Variants in TIMM9 observed in about 807,000 individuals in gnomAD.
TIMM9 encodes the protein translocase of inner mitochondrial membrane 9, also known as mitochondrial import inner membrane translocase subunit Tim9.
TIMM9 carries 10 observed loss-of-function variants against 13.4 expected under a neutral mutation model. The observed-to-expected ratio is 0.75, with a 90% CI of 0.46 to 1.26. The LOEUF (loss-of-function observed/expected upper bound fraction) is 1.26. Ranked by LOEUF, TIMM9 falls within the 50% of genes most tolerant of loss-of-function variation. The pLI is 0.00. For synonymous variants in TIMM9, 32 were observed against 32.1 expected (o/e 1.00, Z 0.01); for missense variants, 87 against 100.8 (o/e 0.86, Z 0.58).
At chr14:58,412,251 C>T (rs2140316260) in intron 3 of TIMM9, 2 of 299,872 alleles carry the variant, frequency 6.7e-6, no homozygotes, top group East Asian at 7.9e-5. Flanking sequence ...AAGCAATTCT[C>T]CTGCCTCAGC....
chr14:58,410,913 T>C lies in TIMM9; in HGVS notation c.65A>G (p.Asn22Ser), dbSNP rs762780142. 3.7e-6 allele frequency: 6 copies of C among 1,613,016 alleles called. No homozygotes were observed. Among genetic ancestry groups the C allele is most frequent in the South Asian group, 3.3e-5 (3 of 90,782 alleles). Residue 22 changes from asparagine to serine, a missense_variant, in exon 5 of 6, where the codon AAT becomes AGT. Coordinates refer to ENST00000395159, the MANE Select transcript of TIMM9 (RefSeq NM_012460.4). ...KQFKEFLGTYNKLTETCFLDC... is the reference protein window; with the variant it reads ...KQFKEFLGTYSKLTETCFLDC... Reference sequence around the variant, plus strand: ...CAAAAAGCAGGTCTCTGTAAGTTTATTGTAGGTCCCCAGAAATTCCTTAAA... The same window carrying C: ...CAAAAAGCAGGTCTCTGTAAGTTTACTGTAGGTCCCCAGAAATTCCTTAAA...
chr14:58,418,937 A>G (rs2036500280), intron 3 of TIMM9, among the ~76,000 whole-genome samples: 2 of 152,130 alleles, frequency 1.3e-5, no homozygotes, highest in Admixed American at 1.3e-4. Context: ...TCTTATAAAT[A>G]TACACAAATT....
At chr14:58,409,959 G>A (rs1000296070) in intron 5 of TIMM9, among the ~76,000 whole-genome samples, 1 of 151,946 alleles carries the variant, frequency 6.6e-6, no homozygotes, top group Non-Finnish European at 1.5e-5. Context: ...TCAACCTCCT[G>A]GGCTTAAGTG....
chr14:58,421,728 C>A (rs575537619), intron 3 of TIMM9, among the ~76,000 whole-genome samples: 11 of 152,102 alleles, frequency 7.2e-5, no homozygotes, highest in African/African-American at 2.7e-4. Flanking sequence ...GATCTAAGAA[C>A]TGGTAAAACA....
At chr14:58,414,668 CG>C (rs1261282590) in intron 3 of TIMM9, among the ~76,000 whole-genome samples, 1 of 139,310 alleles carries the variant, frequency 7.2e-6, no homozygotes, top group Non-Finnish European at 1.5e-5. Flanking sequence ...ACCCCTTGGG[CG>C]GAGGTTGCAG....
intron 3 of TIMM9, among the ~76,000 whole-genome samples, chr14:58,412,883 A>G (rs1019038259): frequency 6.6e-6 from 1 of 152,118 alleles, no homozygotes; most frequent in Non-Finnish European, 1.5e-5. Flanking sequence ...CCTGGGTGAC[A>G]AAGTGAGACT....
chr14:58,411,841 A>AT, intron 4 of TIMM9, 66 bp downstream of exon 4: 1 of 1,462,532 alleles, frequency 6.8e-7, no homozygotes, highest in Non-Finnish European at 9.6e-7. Context: ...CCAGCCTGAC[A>AT]TGGTGGCATT....
rs748362527 is a variant in TIMM9, at chr14:58,410,966, T to C, written c.40-28A>G. 2.6e-6 allele frequency: 4 copies of C among 1,537,116 alleles called. No homozygotes were observed. In the East Asian group the frequency reaches 9.0e-5, roughly 35 times the overall value. On this transcript the variant is annotated intron_variant, in intron 4 of 5. Coordinates refer to ENST00000395159, the MANE Select transcript of TIMM9 (RefSeq NM_012460.4). ...ACAAACAAACCAGAATGTTCTTTAG[T>C]ATTTGGTTTTTAAAACAAAGATGCT...
Position 58,423,526 on chromosome 14 carries a change from A to C in TIMM9, c.-27+482T>G, listed in dbSNP as rs2036651268. On this transcript the variant is annotated intron_variant, in intron 3 of 5. Transcript: ENST00000395159. ...CGAGACTTTGTCTCAAAAAAAAAAA[A>C]AAAAAAAAAAAAAGATTATGGTATA... 2.0e-5 allele frequency among the ~76,000 whole-genome samples: 3 copies of C among 151,634 alleles called. No individual in the cohort carries two copies. In the South Asian group the frequency reaches 6.2e-4, roughly 32 times the overall value.
intron 3 of TIMM9, among the ~76,000 whole-genome samples, chr14:58,413,945 T>C (rs2036303485): frequency 7.9e-6 from 1 of 126,822 alleles, no homozygotes; most frequent in Non-Finnish European, 1.5e-5. Flanking sequence ...AGGTGGAGCT[T>C]GCAGTGAGCC....
At chr14:58,414,595 G>A (rs887332561) in intron 3 of TIMM9, among the ~76,000 whole-genome samples, 10 of 151,646 alleles carry the variant, frequency 6.6e-5, no homozygotes, top group South Asian at 2.1e-4. Context: ...AAAATTAGCC[G>A]GGCATGGTGG....
intron 5 of TIMM9, 23 bp downstream of exon 5, chr14:58,410,820 T>G (rs779422717): frequency 1.3e-6 from 2 of 1,542,284 alleles, no homozygotes; most frequent in South Asian, 2.3e-5. Flanking sequence ...TTGTAGAATT[T>G]TAGTGAGTAA....
intron 3 of TIMM9, among the ~76,000 whole-genome samples, chr14:58,413,601 C>T (rs1175178248): frequency 6.6e-6 from 1 of 152,022 alleles, no homozygotes; most frequent in East Asian, 1.9e-4. Flanking sequence ...TTTCACATAT[C>T]CTAAATGTAG....
At chr14:58,418,624 A>G (rs1352924533) in intron 3 of TIMM9, among the ~76,000 whole-genome samples, 1 of 152,232 alleles carries the variant, frequency 6.6e-6, no homozygotes, top group Non-Finnish European at 1.5e-5. Context: ...CAATAAGTAT[A>G]TTTAAAAAAT....
In TIMM9 at chr14:58,424,098, GA is replaced by G. The variant is rs775687880; in HGVS notation, c.-114-4del. The G allele has an allele frequency of 2.6e-5, 4 of 152,096 alleles. No homozygotes were observed. The highest frequency in any genetic ancestry group is 4.4e-5 in the Non-Finnish European group (3 of 68,016). The allele number at this position is 152,096 out of a possible 1,614,324, so 9.4% of individuals were successfully genotyped here. ...CTCCAATAAGGCCTGATTCTTACCT[GA>G]AAAATGAGGTAATATGATTACTAAG... is the stretch of plus-strand genomic sequence containing the variant. On this transcript the variant is annotated splice_region_variant and splice_polypyrimidine_tract_variant and intron_variant, in intron 2 of 5. Coordinates refer to ENST00000395159, the MANE Select transcript of TIMM9 (RefSeq NM_012460.4).
chr14:58,421,955 A>G (rs1302946546), intron 3 of TIMM9, among the ~76,000 whole-genome samples: 1 of 152,006 alleles, frequency 6.6e-6, no homozygotes, highest in Admixed American at 6.6e-5. Context: ...GACTTTCTAC[A>G]GTTCACATCA....
intron 3 of TIMM9, among the ~76,000 whole-genome samples, chr14:58,413,557 A>G (rs2036289161): frequency 6.6e-6 from 1 of 152,216 alleles, no homozygotes; most frequent in African/African-American, 2.4e-5. Context: ...AGGGAAGACA[A>G]GTAAATAAAA....
intron 3 of TIMM9, among the ~76,000 whole-genome samples, chr14:58,417,423 C>T (rs1341199206): frequency 1.3e-5 from 2 of 148,230 alleles, no homozygotes; most frequent in East Asian, 3.9e-4. Flanking sequence ...ATTGCCTGAG[C>T]CAAGGAGTTT....
intron 5 of TIMM9, among the ~76,000 whole-genome samples, chr14:58,410,477 G>C (rs950475964): frequency 6.6e-6 from 1 of 152,130 alleles, no homozygotes; most frequent in Non-Finnish European, 1.5e-5. Flanking sequence ...CCAAAGTCAA[G>C]CTTTGTTTTT....
Sources: gnomAD v4.1 joint callset for allele counts (sites outside exome capture counted in the v4.1 genomes callset) on GRCh38, gnomAD v4.1.1 for gene constraint, MANE v1.5 for transcripts, NCBI Gene and HGNC (gene_info 2026-07-23, HGNC 2026-07-21) for gene names.